The following MDGA2 variants were observed in gnomAD, a reference collection of about 807,000 sequenced individuals.
The protein encoded by MDGA2 is MAM domain containing glycosylphosphatidylinositol anchor 2, also known as MAM domain-containing glycosylphosphatidylinositol anchor protein 2.
A neutral mutation model predicts 117.8 loss-of-function variants in MDGA2; 40 were observed. The ratio of observed to expected loss-of-function variants is 0.34; its 90% CI spans 0.26 to 0.44. The LOEUF (loss-of-function observed/expected upper bound fraction) is 0.44. MDGA2 is among the 20% of genes least tolerant of loss of function. The probability of loss-of-function intolerance (pLI) is 1.00; values close to 1 mark genes in which losing one functional copy is unlikely to be tolerated. For synonymous variants in MDGA2, 452 were observed against 439.0 expected (o/e 1.03, Z -0.37); for missense variants, 1,123 against 1,250.6 (o/e 0.90, Z 1.54).
At chr14:47,401,202 T>C (rs1892141068) in intron 1 of MDGA2, among the ~76,000 whole-genome samples, 1 of 152,156 alleles carries the variant, frequency 6.6e-6, no homozygotes, top group Non-Finnish European at 1.5e-5. Context: ...TTTTTATCTA[T>C]TTAGTTTATC....
intron 1 of MDGA2, among the ~76,000 whole-genome samples, chr14:47,377,471 G>C (rs540832928): frequency 6.6e-6 from 1 of 152,278 alleles, no homozygotes; most frequent in Non-Finnish European, 1.5e-5. Context: ...ACCAAGGGAA[G>C]CAGTGACAAA....
At chr14:46,874,926 T>C (rs1465638600) in intron 12 of MDGA2, among the ~76,000 whole-genome samples, 1 of 151,362 alleles carries the variant, frequency 6.6e-6, no homozygotes, top group Non-Finnish European at 1.5e-5. Flanking sequence ...GTAATGTTTC[T>C]AGGTATCAAA....
intron 1 of MDGA2, among the ~76,000 whole-genome samples, chr14:47,624,380 C>A (rs761231981): frequency 4.6e-5 from 7 of 152,234 alleles, no homozygotes; most frequent in Non-Finnish European, 5.9e-5. Flanking sequence ...ATCGTTTGAA[C>A]CTAGGAGGTG....
At chr14:47,369,395 G>A (rs1230608772) in intron 1 of MDGA2, among the ~76,000 whole-genome samples, 1 of 151,988 alleles carries the variant, frequency 6.6e-6, no homozygotes, top group Non-Finnish European at 1.5e-5. Flanking sequence ...AAAAGTTCTG[G>A]AAATGGAAGT....
chr14:47,138,727 G>A (rs188693860), intron 4 of MDGA2, among the ~76,000 whole-genome samples: 65 of 152,104 alleles, frequency 4.3e-4, no homozygotes, highest in African/African-American at 1.4e-3. Flanking sequence ...TTAGATATCA[G>A]TAAAAACTAA....
chr14:47,321,987 G>C (rs913348569), intron 1 of MDGA2, among the ~76,000 whole-genome samples: 1 of 152,116 alleles, frequency 6.6e-6, no homozygotes, highest in African/African-American at 2.4e-5. Flanking sequence ...TAAATAGCTA[G>C]TTTATTTGTC....
At chr14:47,173,605 A>AT (rs1884286678) in intron 3 of MDGA2, among the ~76,000 whole-genome samples, 1 of 152,166 alleles carries the variant, frequency 6.6e-6, no homozygotes, top group Non-Finnish European at 1.5e-5. Flanking sequence ...ATGCTGACAG[A>AT]TTTTGTCACC....
intron 15 of MDGA2, among the ~76,000 whole-genome samples, chr14:46,848,100 G>T (rs1594991760): frequency 6.6e-6 from 1 of 151,894 alleles, no homozygotes; most frequent in Admixed American, 6.6e-5. Flanking sequence ...GTGAGATGTG[G>T]TGAAGAGTCT....
intron 8 of MDGA2, among the ~76,000 whole-genome samples, chr14:46,993,660 C>T (rs897854572): frequency 2.0e-5 from 3 of 151,990 alleles, no homozygotes; most frequent in African/African-American, 7.3e-5. Flanking sequence ...CGGGTTTCAC[C>T]ATGTTGGCCA....
intron 1 of MDGA2, among the ~76,000 whole-genome samples, chr14:47,466,862 C>G (rs909300730): frequency 6.6e-5 from 10 of 152,102 alleles, no homozygotes; most frequent in African/African-American, 1.9e-4. Context: ...TTCATTCATT[C>G]TGCAGGTACC....
At chr14:46,921,157 A>G (rs967872882) in intron 9 of MDGA2, among the ~76,000 whole-genome samples, 9 of 152,212 alleles carry the variant, frequency 5.9e-5, no homozygotes, top group African/African-American at 2.2e-4. Context: ...CTACGTATTA[A>G]GAACACAATG....
At chr14:47,348,112 T>C (rs1890797223) in intron 1 of MDGA2, among the ~76,000 whole-genome samples, 1 of 151,656 alleles carries the variant, frequency 6.6e-6, no homozygotes, top group Admixed American at 6.6e-5. Context: ...ATACTTAGAA[T>C]TGAAGAAAAT....
intron 1 of MDGA2, among the ~76,000 whole-genome samples, chr14:47,508,678 GT>G (rs1343935632): frequency 6.6e-5 from 10 of 151,846 alleles, no homozygotes; most frequent in African/African-American, 2.2e-4. Context: ...CAACTTTTTT[GT>G]TTGTTTGTTT....
At chr14:47,017,247 C>T (rs577908820) in intron 8 of MDGA2, among the ~76,000 whole-genome samples, 54 of 149,608 alleles carry the variant, frequency 3.6e-4, no homozygotes, top group East Asian at 9.9e-4. Context: ...AGCATTGCTC[C>T]ATAAGGGCCT....
At chr14:47,600,164 G>A (rs184829912) in intron 1 of MDGA2, among the ~76,000 whole-genome samples, 43 of 152,242 alleles carry the variant, frequency 2.8e-4, no homozygotes, top group Admixed American at 2.4e-3. Context: ...GGGAGGCTGA[G>A]GTAGGTGGAT....
chr14:46,872,821 T>A (rs1882063423), intron 14 of MDGA2, among the ~76,000 whole-genome samples: 1 of 151,942 alleles, frequency 6.6e-6, no homozygotes, highest in Non-Finnish European at 1.5e-5. Flanking sequence ...GTTTACTAGG[T>A]CTACTCTCAG....
At chr14:46,853,671 T>C (rs776623351) in intron 15 of MDGA2, among the ~76,000 whole-genome samples, 1 of 151,578 alleles carries the variant, frequency 6.6e-6, no homozygotes, top group Non-Finnish European at 1.5e-5. Flanking sequence ...TTTCAAAAAA[T>C]GTGTGGTATA....
chr14:47,382,699 A>C (rs1403599957), intron 1 of MDGA2, among the ~76,000 whole-genome samples: 2 of 152,228 alleles, frequency 1.3e-5, no homozygotes, highest in Non-Finnish European at 2.9e-5. Flanking sequence ...AAAAGTCAGG[A>C]AACAACAGGT....
intron 1 of MDGA2, among the ~76,000 whole-genome samples, chr14:47,555,855 A>G (rs1443636355): frequency 6.6e-6 from 1 of 152,102 alleles, no homozygotes; most frequent in Admixed American, 6.6e-5. Context: ...CTTCCTTTCC[A>G]TGTAAGCCCT....
Sources: gnomAD v4.1 joint callset for allele counts (sites outside exome capture counted in the v4.1 genomes callset) on GRCh38, gnomAD v4.1.1 for gene constraint, MANE v1.5 for transcripts, NCBI Gene and HGNC (gene_info 2026-07-23, HGNC 2026-07-21) for gene names.